Variants in CC2D2B observed in about 807,000 individuals in gnomAD.
The protein encoded by CC2D2B is protein CC2D2B.
A neutral mutation model predicts 161.2 loss-of-function variants in CC2D2B; 128 were observed. That is an observed-to-expected ratio of 0.79 (90% CI 0.69 to 0.92). The LOEUF is 0.92. CC2D2B is among the 40% of genes least tolerant of loss of function. CC2D2B has a pLI of 0.00. For missense variants in CC2D2B, 1,173 were observed against 1,375.1 expected, an observed-to-expected ratio of 0.85 and a Z score of 2.32; for synonymous variants, 391 against 449.8, an observed-to-expected ratio of 0.87 and a Z score of 1.65.
chr10:96,021,534 G>A (rs767944320), intron 32 of CC2D2B: 11 of 152,220 alleles, frequency 7.2e-5, no homozygotes, highest in African/African-American at 2.7e-4. Context: ...ATGTGCAGCC[G>A]AGGTTGAGAA....
At chr10:95,953,855 A>G (rs113693894) in intron 10 of CC2D2B, among the ~76,000 whole-genome samples, 13 of 152,322 alleles carry the variant, frequency 8.5e-5, no homozygotes, top group African/African-American at 2.9e-4. Flanking sequence ...TTGAAGGCAT[A>G]CTGGTCAGAC....
chr10:95,917,433 TCTTC>T (rs751676905), intron 2 of CC2D2B, among the ~76,000 whole-genome samples: 185 of 152,198 alleles, frequency 1.2e-3, no homozygotes, highest in Middle Eastern at 3.4e-3. Context: ...GGTTGTTCTG[TCTTC>T]CTTCCTTCCT....
At chr10:95,927,143 TAAC>T in intron 5 of CC2D2B, 91 bp from the exon 6 acceptor site, 2 of 653,786 alleles carry the variant, frequency 3.1e-6, no homozygotes, top group Non-Finnish European at 5.2e-6. Context: ...GCTAGAGAGA[TAAC>T]AATTATGTTT....
intron 9 of CC2D2B, among the ~76,000 whole-genome samples, chr10:95,946,981 A>C (rs1035562861): frequency 2.7e-5 from 4 of 150,580 alleles, no homozygotes; most frequent in Admixed American, 6.6e-5. Flanking sequence ...TGCATATGCT[A>C]AGTAACTCAC....
In CC2D2B at chr10:96,019,724, A is replaced by G. The variant is rs372419601; in HGVS notation, c.3788A>G (p.Asn1263Ser). The G allele has an allele frequency of 1.3e-6, 2 of 1,597,530 alleles. No homozygotes were observed. The highest frequency in any genetic ancestry group is 2.7e-5 in the African/African-American group (2 of 73,594). ...DRNVWFNIQQ[N>S]NTPMAVFFDY... ...TAGGTCTGGTTTAATATTCAACAAA[A>G]TAATACACCAATGGCTGTATTTTTT... is the stretch of plus-strand genomic sequence containing the variant. The change falls in exon 32 of 35, where the codon AAT becomes AGT. Residue 1263 changes from asparagine (N) to serine (S), a missense_variant. Transcript: ENST00000646931.
chr10:95,987,602 C>A (rs1383505672), intron 19 of CC2D2B, among the ~76,000 whole-genome samples: 1 of 151,942 alleles, frequency 6.6e-6, no homozygotes, highest in African/African-American at 2.4e-5. Context: ...ATAACAAATG[C>A]AAATTTACTT....
intron 18 of CC2D2B, among the ~76,000 whole-genome samples, chr10:95,983,278 T>A (rs1590735123): frequency 6.6e-6 from 1 of 152,344 alleles, no homozygotes; most frequent in South Asian, 2.1e-4. Context: ...GAATTGGTTA[T>A]AGGTATACAG....
intron 17 of CC2D2B, among the ~76,000 whole-genome samples, chr10:95,980,177 G>A: frequency 6.7e-6 from 1 of 149,486 alleles, no homozygotes; most frequent in Non-Finnish European, 1.5e-5. Flanking sequence ...GGAGGGAGGA[G>A]GAAGGAAGGA....
intron 22 of CC2D2B, chr10:95,993,149 T>C (rs200766935): frequency 1.9e-5 from 3 of 155,628 alleles, no homozygotes; most frequent in Middle Eastern, 5.1e-4. Context: ...TACACCCTGC[T>C]CTGTTTTAGA....
At position 96,032,233 on chromosome 10, in the gene CC2D2B, C is replaced by T. The variant is rs888856118; in HGVS notation, c.*225C>T. ...TCACCAGAGACCTCTCCAGGAAGGA[C>T]CTTTGGATAGTCTGGCTTTCTTGGG... On this transcript the variant is annotated 3_prime_UTR_variant, in exon 35 of 35. Transcript: ENST00000646931. The T allele has an allele frequency of 5.5e-5, 25 of 454,108 alleles. No homozygotes were observed. Among genetic ancestry groups the T allele is most frequent in the Non-Finnish European group, 9.8e-5 (25 of 254,644 alleles). 28.1% of individuals were successfully genotyped at this position (454,108 alleles called of 1,614,324 possible). A position where few individuals can be genotyped will look rare whatever the true frequency, so the allele number is the denominator to read the frequency against.
chr10:95,972,991 T>C (rs1358740001), intron 16 of CC2D2B, among the ~76,000 whole-genome samples: 1 of 152,170 alleles, frequency 6.6e-6, no homozygotes, highest in African/African-American at 2.4e-5. Context: ...TTACTCCTCT[T>C]ATACGGTTAA....
At chr10:96,016,362 G>A (rs2079200632) in intron 30 of CC2D2B, 48 bp downstream of exon 30, 2 of 1,259,510 alleles carry the variant, frequency 1.6e-6, no homozygotes, top group African/African-American at 1.5e-5. Context: ...AAGGAAATCA[G>A]ATTTCAGCTG....
chr10:95,916,902 T>C (rs1263373352), intron 2 of CC2D2B, among the ~76,000 whole-genome samples: 1 of 151,582 alleles, frequency 6.6e-6, no homozygotes, highest in Non-Finnish European at 1.5e-5. Flanking sequence ...ATCTGTTAGG[T>C]CCATTTGGTC....
At chr10:95,944,741 A>C (rs2076138896) in intron 9 of CC2D2B, among the ~76,000 whole-genome samples, 1 of 152,240 alleles carries the variant, frequency 6.6e-6, no homozygotes, top group Non-Finnish European at 1.5e-5. Flanking sequence ...GGGCTGAACA[A>C]GTAACTTTCT....
intron 19 of CC2D2B, 60 bp from the exon 20 acceptor site, chr10:95,988,190 T>G: frequency 1.8e-6 from 1 of 564,528 alleles, no homozygotes; most frequent in Non-Finnish European, 2.6e-6. Context: ...TTTATTGCAA[T>G]GTGTCATATG....
At chr10:95,937,302 G>A (rs1017081728) in intron 6 of CC2D2B, among the ~76,000 whole-genome samples, 1 of 152,136 alleles carries the variant, frequency 6.6e-6, no homozygotes, top group Admixed American at 6.6e-5. Context: ...TGTTCAGTAT[G>A]TGTATATTTC....
Position 95,995,289 on chromosome 10 carries a change from GT to G in CC2D2B, c.2666del (p.Leu889Ter). ...TINGSLDMPTCLKSSISCLRH... is the reference protein window; with the variant it reads ...TINGSLDMPTXLKSSISCLRH... Reference sequence around the variant, plus strand: ...TGAAGATCCTTGGATATGCCTACTTGTTTGAAATCATCTATATCTTGCCTCA... The same window carrying G: ...TGAAGATCCTTGGATATGCCTACTTGTTGAAATCATCTATATCTTGCCTCA... On this transcript the variant is annotated frameshift_variant, in exon 23 of 35. Coordinates refer to ENST00000646931, the MANE Select transcript of CC2D2B (RefSeq NM_001349008.3). LOFTEE classifies it high-confidence loss of function. The G allele has an allele frequency of 6.5e-7, 1 of 1,528,030 alleles. No individual in the cohort carries two copies. The highest frequency in any genetic ancestry group is 8.8e-7 in the Non-Finnish European group (1 of 1,142,684). The allele number at this position is 1,528,030 out of a possible 1,614,324, so 94.7% of individuals were successfully genotyped here.
intron 17 of CC2D2B, among the ~76,000 whole-genome samples, chr10:95,981,653 A>T (rs927504566): frequency 3.3e-5 from 5 of 152,168 alleles, no homozygotes; most frequent in Non-Finnish European, 7.3e-5. Context: ...TACATCCCAT[A>T]AGCACCATTC....
At chr10:96,029,274 A>ATATATC (rs2079943235) in intron 34 of CC2D2B, among the ~76,000 whole-genome samples, 1 of 65,246 alleles carries the variant, frequency 1.5e-5, no homozygotes, top group Non-Finnish European at 2.9e-5. Context: ...ATATATATAT[A>ATATATC]TATATATATA....
Sources: allele counts gnomAD v4.1 joint callset (sites outside exome capture counted in the v4.1 genomes callset), GRCh38; gene constraint gnomAD v4.1.1; transcripts MANE v1.5; gene names NCBI Gene and HGNC (gene_info 2026-07-23, HGNC 2026-07-21).